The following RSRP1 variants were observed in gnomAD, a reference collection of about 807,000 sequenced individuals.
RSRP1 encodes the protein arginine/serine-rich protein 1.
In RSRP1, 37 loss-of-function variants were observed where a neutral mutation model predicts 33.0. The observed-to-expected ratio is 1.12, with a 90% CI of 0.86 to 1.48. The LOEUF (loss-of-function observed/expected upper bound fraction) is 1.48. Ranked by LOEUF, RSRP1 falls within the 40% of genes most tolerant of loss-of-function variation. The pLI is 0.00. For synonymous variants in RSRP1, 167 were observed against 158.7 expected (o/e 1.05, Z -0.40); for missense variants, 402 against 385.3 (o/e 1.04, Z -0.36).
chr1:25,287,386 C>A (rs1390226030), intron 1 of RSRP1, among the ~76,000 whole-genome samples: 1 of 135,506 alleles, frequency 7.4e-6, no homozygotes, highest in African/African-American at 2.5e-5. Context: ...AAGTCACTCG[C>A]AGCCTGAGTG....
At chr1:25,246,417 A>G in intron 2 of RSRP1, 27 bp downstream of exon 2, 1 of 1,605,280 alleles carries the variant, frequency 6.2e-7, no homozygotes, top group Non-Finnish European at 8.5e-7. Flanking sequence ...ACATTACCAC[A>G]AATGGAAAGG....
Position 25,297,818 on chromosome 1 carries a change from C to T in RSRP1, c.-67+40160G>A, listed in dbSNP as rs1329744137. Among the ~76,000 whole-genome samples the T allele has an allele frequency of 6.1e-5, 8 of 131,952 alleles. 3 individuals carry two copies. The highest frequency in any genetic ancestry group is 2.3e-4 in the South Asian group (1 of 4,352). The allele number at this position is 131,952 out of a possible 152,430, so 86.6% of individuals were successfully genotyped here. On this transcript the variant is annotated intron_variant, in intron 1 of 1. Transcript: ENST00000561867. ...CAGTGTAAGAACCATAAAGGTGTAT[C>T]TGTGTAGTATGGACAGTTTTAAAAA...
intron 1 of RSRP1, among the ~76,000 whole-genome samples, chr1:25,260,173 T>C (rs1459569881): frequency 6.6e-6 from 1 of 152,236 alleles, no homozygotes; most frequent in African/African-American, 2.4e-5. Context: ...AATATAGCTA[T>C]ATGTATGGTT....
At chr1:25,306,023 G>T (rs1643800769) in intron 1 of RSRP1, among the ~76,000 whole-genome samples, 3 of 131,710 alleles carry the variant, frequency 2.3e-5, no homozygotes, top group Admixed American at 2.2e-4. Flanking sequence ...GGGGAGGAAG[G>T]ATTACTGAGT....
Position 25,300,979 on chromosome 1 carries a change from G to A in RSRP1, c.-67+36999C>T, listed in dbSNP as rs147421281. 7,001 of 1,378,790 alleles carry A rather than the reference G, an allele frequency of 5.1e-3. 1,993 individuals are homozygous for A. The highest frequency in any genetic ancestry group is 6.7e-3 in the Non-Finnish European group (6,560 of 978,772). 85.4% of individuals were successfully genotyped at this position (1,378,790 alleles called of 1,614,324 possible). A position where few individuals can be genotyped will look rare whatever the true frequency, so the allele number is the denominator to read the frequency against. ...CCACATGAACATGATGCACATCTAC[G>A]TGTTCGCAGCCTATTTTGGGCTGTC... On this transcript the variant is annotated intron_variant, in intron 1 of 1. Transcript: ENST00000561867.
At chr1:25,306,425 CA>C (rs1643840242) in intron 1 of RSRP1, among the ~76,000 whole-genome samples, 1 of 131,910 alleles carries the variant, frequency 7.6e-6, no homozygotes, top group South Asian at 2.3e-4. Flanking sequence ...TTCATTTCAA[CA>C]AACTCCCCGA....
intron 1 of RSRP1, among the ~76,000 whole-genome samples, chr1:25,262,886 T>C (rs893701183): frequency 1.3e-5 from 2 of 152,198 alleles, no homozygotes; most frequent in African/African-American, 2.4e-5. Context: ...CAGTCATATA[T>C]CAATCTCTTC....
intron 1 of RSRP1, among the ~76,000 whole-genome samples, chr1:25,307,107 T>A (rs1270910481): frequency 7.5e-6 from 1 of 132,794 alleles, no homozygotes; most frequent in African/African-American, 2.6e-5. Context: ...TGGCTTAACC[T>A]TTCTCAGCCT....
chr1:25,274,469 A>G (rs1323296501), intron 1 of RSRP1, among the ~76,000 whole-genome samples: 1 of 132,418 alleles, frequency 7.6e-6, no homozygotes, highest in East Asian at 1.9e-4. Context: ...TAACGTAGGT[A>G]CAAAATGTCC....
Position 25,308,228 on chromosome 1 carries a change from T to C in RSRP1, c.-67+29750A>G, listed in dbSNP as rs1034747783. On this transcript the variant is annotated intron_variant, in intron 1 of 1. Coordinates refer to the RSRP1 transcript ENST00000561867. ...GTAACACTGTGTGGCTAAATTCTGC[T>C]TGTGGGCTGCCTAGATTCCCAATTC... Among the ~76,000 whole-genome samples the C allele has an allele frequency of 6.1e-5, 7 of 115,008 alleles. 2 individuals are homozygous for C. The highest frequency in any genetic ancestry group is 8.7e-3 in the Middle Eastern group (2 of 230). The allele number at this position is 115,008 out of a possible 152,430, so 75.4% of individuals were successfully genotyped here.
In RSRP1 at chr1:25,331,863, C is replaced by T. The variant is rs1240284037; in HGVS notation, c.-67+6115G>A. Among the ~76,000 whole-genome samples, 6 of 125,346 alleles carry T rather than the reference C, an allele frequency of 4.8e-5. 1 individual carries two copies. The highest frequency in any genetic ancestry group is 8.1e-5 in the African/African-American group (3 of 37,178). The allele number at this position is 125,346 out of a possible 152,430, so 82.2% of individuals were successfully genotyped here. ...CACGCCATTCTCCTGCCTCAGCCTC[C>T]GGAGTAGCTGGGACTACAGGCGCCC... is the stretch of plus-strand genomic sequence containing the variant. On this transcript the variant is annotated intron_variant, in intron 1 of 1. Coordinates refer to the RSRP1 transcript ENST00000561867.
chr1:25,291,886 A>G lies in RSRP1; in HGVS notation c.-66-44857T>C, dbSNP rs141048095. The stretch of plus-strand genomic sequence containing the variant: ...AACCTTCCCATCTCATAGGTGAGAA[A>G]GCTGATGCCTGGAGAGGGGAAGGGA... On this transcript the variant is annotated intron_variant, in intron 1 of 1. Coordinates refer to the RSRP1 transcript ENST00000561867. 5.3e-5 allele frequency among the ~76,000 whole-genome samples: 7 copies of G among 132,708 alleles called. No individual in the cohort carries two copies. In the East Asian group the frequency reaches 9.8e-4, roughly 19 times the overall value. The allele number at this position is 132,708 out of a possible 152,430, so 87.1% of individuals were successfully genotyped here. A position where few individuals can be genotyped will look rare whatever the true frequency, so the allele number is the denominator to read the frequency against.
chr1:25,256,147 CTTTTT>C (rs58871827), intron 1 of RSRP1, among the ~76,000 whole-genome samples: 1 of 133,000 alleles, frequency 7.5e-6, no homozygotes, highest in Non-Finnish European at 1.6e-5. Context: ...CTATCCGGAT[CTTTTT>C]TTTTTTTTTT....
rs541861571 is a variant in RSRP1, at chr1:25,333,048, G to A, written c.-67+4930C>T. Among the ~76,000 whole-genome samples, 365 of 131,766 alleles carry A rather than the reference G, an allele frequency of 2.8e-3. 62 individuals are homozygous for A. The highest frequency in any genetic ancestry group is 8.5e-3 in the African/African-American group (326 of 38,476). 86.4% of individuals were successfully genotyped at this position (131,766 alleles called of 152,430 possible). On this transcript the variant is annotated intron_variant, in intron 1 of 1. Transcript: ENST00000561867. Reference sequence around the variant, plus strand: ...CGGAAAGGCTGGTGTAGGTCCTGGCGTCCTGAGACCCAACAGCCTGGGATC... The same window carrying A: ...CGGAAAGGCTGGTGTAGGTCCTGGCATCCTGAGACCCAACAGCCTGGGATC...
rs746824007 is a variant in RSRP1 at position 25,301,037 on chromosome 1, A to AG, written c.-67+36940dup. The AG allele has an allele frequency of 1.5e-5, 21 of 1,377,258 alleles. No individual in the cohort carries two copies. The Admixed American group carries it at 3.7e-4, about 25-fold the overall frequency. 85.3% of individuals were successfully genotyped at this position (1,377,258 alleles called of 1,614,324 possible). A position where few individuals can be genotyped will look rare whatever the true frequency, so the allele number is the denominator to read the frequency against. ...TGGTGCCTGCCAAAGCCTCTACCCGAGGGAACGGAGGATAAAGATCAGACA... is the reference window on the plus strand; with the variant it reads ...TGGTGCCTGCCAAAGCCTCTACCCGAGGGGAACGGAGGATAAAGATCAGACA... On this transcript the variant is annotated intron_variant, in intron 1 of 1. Transcript: ENST00000561867.
rs574308870 is a variant in RSRP1 at position 25,274,928 on chromosome 1, C to A, written c.-66-27899G>T. 2.4e-3 allele frequency among the ~76,000 whole-genome samples: 314 copies of A among 130,270 alleles called. 77 individuals carry two copies. The highest frequency in any genetic ancestry group is 4.4e-3 in the Non-Finnish European group (240 of 54,920). 85.5% of individuals were successfully genotyped at this position (130,270 alleles called of 152,430 possible). A position where few individuals can be genotyped will look rare whatever the true frequency, so the allele number is the denominator to read the frequency against. On this transcript the variant is annotated intron_variant, in intron 1 of 1. Coordinates refer to the RSRP1 transcript ENST00000561867. The stretch of plus-strand genomic sequence containing the variant: ...AGGCCATTACACTCCAGCCTGGGCG[C>A]CAGAGTGAGACTTCATCTCAAAAAA...
At chr1:25,302,738 G>A (rs376434501) in intron 1 of RSRP1, among the ~76,000 whole-genome samples, 3 of 131,226 alleles carry the variant, frequency 2.3e-5, no homozygotes, top group East Asian at 1.9e-4. Context: ...ACAATGATTT[G>A]TGTCTACTGG....
rs1468110543 is a variant in RSRP1, at chr1:25,311,292, G to A, written c.-67+26686C>T. ...AGAAAATCTGTAGGTCAGCCATGTT[G>A]TAGGGAATGAAAGAACATTTTCAGC... On this transcript the variant is annotated intron_variant, in intron 1 of 1. Coordinates refer to the RSRP1 transcript ENST00000561867. Among the ~76,000 whole-genome samples, 4 of 131,154 alleles carry A rather than the reference G, an allele frequency of 3.0e-5. 1 individual carries two copies. The highest frequency in any genetic ancestry group is 7.3e-5 in the Non-Finnish European group (4 of 54,986). The allele number at this position is 131,154 out of a possible 152,430, so 86.0% of individuals were successfully genotyped here. A position where few individuals can be genotyped will look rare whatever the true frequency, so the allele number is the denominator to read the frequency against.
In RSRP1 at chr1:25,302,380, G is replaced by A. The variant is rs1271852021; in HGVS notation, c.-67+35598C>T. Among the ~76,000 whole-genome samples, 144 of 127,380 alleles carry A rather than the reference G, an allele frequency of 1.1e-3. 32 individuals are homozygous for A. Among genetic ancestry groups the A allele is most frequent in the Non-Finnish European group, 2.1e-3 (113 of 54,646 alleles). The allele number at this position is 127,380 out of a possible 152,430, so 83.6% of individuals were successfully genotyped here. On this transcript the variant is annotated intron_variant, in intron 1 of 1. Coordinates refer to the RSRP1 transcript ENST00000561867. ...TCTGGACAGACCAGTGGTGGGGCTC[G>A]GGTGGGAGGCACTGGGGGGGCTGGA... is the stretch of plus-strand genomic sequence containing the variant.
Sources: gnomAD v4.1 joint callset for allele counts (sites outside exome capture counted in the v4.1 genomes callset) on GRCh38, gnomAD v4.1.1 for gene constraint, MANE v1.5 for transcripts, NCBI Gene and HGNC (gene_info 2026-07-23, HGNC 2026-07-21) for gene names.